ITIH1: variants seen among roughly 807,000 people sequenced by gnomAD.
ITIH1 encodes the protein inter-alpha-trypsin inhibitor heavy chain H1.
A neutral mutation model predicts 104.6 loss-of-function variants in ITIH1; 94 were observed. That is an observed-to-expected ratio of 0.90 (90% CI 0.76 to 1.07). The LOEUF (loss-of-function observed/expected upper bound fraction) is 1.07. Among genes scored for constraint, ITIH1 ranks in the 50% least tolerant of loss-of-function variants. The pLI is 0.00. For missense variants in ITIH1, 1,193 were observed against 1,181.4 expected (o/e 1.01, Z -0.14); for synonymous variants, 455 against 464.4 (o/e 0.98, Z 0.26).
rs921623441 is a variant in ITIH1, at chr3:52,788,365, T to C, written c.2119+20T>C. 6.8e-7 allele frequency: 1 copy of C among 1,477,688 alleles called. No individual in the cohort carries two copies. Among genetic ancestry groups the C allele is most frequent in the Admixed American group, 1.8e-5 (1 of 54,086 alleles). The allele number at this position is 1,477,688 out of a possible 1,614,324, so 91.5% of individuals were successfully genotyped here. On this transcript the variant is annotated intron_variant, in intron 18 of 21. Coordinates refer to ENST00000273283, the MANE Select transcript of ITIH1 (RefSeq NM_002215.4). ...ACACAGGTATGGCGGGCATCACACC[T>C]CTGCCAGACAGGGCCAGGGCTCCTC...
chr3:52,790,154 T>G, intron 19 of ITIH1: 1 of 464,282 alleles, frequency 2.2e-6, no homozygotes, highest in Non-Finnish European at 3.9e-6. Context: ...AGGCCACCTC[T>G]TCCCCTCAGC....
At chr3:52,783,993 A>T (rs1699133461) in intron 10 of ITIH1, among the ~76,000 whole-genome samples, 2 of 152,068 alleles carry the variant, frequency 1.3e-5, no homozygotes, top group Admixed American at 1.3e-4. Flanking sequence ...ATGGGGTAAA[A>T]CAAGCGTGGG....
intron 6 of ITIH1, among the ~76,000 whole-genome samples, chr3:52,781,252 T>G (rs940454710): frequency 2.3e-5 from 3 of 127,808 alleles, no homozygotes; most frequent in Admixed American, 9.0e-5. Flanking sequence ...TTCTTCTTCT[T>G]CTTCTTCTTC....
rs757662339 is a variant in ITIH1, at chr3:52,782,068, G to C, written c.813+3G>C. On this transcript the variant is annotated splice_donor_region_variant and intron_variant, in intron 7 of 21. Transcript: ENST00000273283. ...GAGACAAGATCTGCGACCTCCTGGT[G>C]AGCCCTGAGCTTCTGGCTCAGCACC... 5.0e-6 allele frequency: 8 copies of C among 1,614,188 alleles called. No individual in the cohort carries two copies. Among genetic ancestry groups the C allele is most frequent in the Non-Finnish European group, 6.8e-6 (8 of 1,180,016 alleles).
At chr3:52,780,224 A>T in intron 5 of ITIH1, 45 bp from the exon 6 acceptor site, 3 of 1,466,824 alleles carry the variant, frequency 2.0e-6, no homozygotes, top group Non-Finnish European at 2.8e-6. Context: ...ACAAAGCAAG[A>T]TCCCATCTTT....
At chr3:52,785,293 T>C in intron 12 of ITIH1, 64 bp downstream of exon 12, 1 of 1,515,780 alleles carries the variant, frequency 6.6e-7, no homozygotes, top group Non-Finnish European at 9.1e-7. Flanking sequence ...AAACCCACAC[T>C]GTTCCCCATT....
chr3:52,778,683 C>T, intron 3 of ITIH1, 177 bp downstream of exon 3: 6 of 1,442,294 alleles, frequency 4.2e-6, no homozygotes, highest in Non-Finnish European at 5.4e-6. Context: ...GCTTGGCTCC[C>T]ATCTTGGAGG....
At chr3:52,782,375 T>A in intron 8 of ITIH1, 108 bp downstream of exon 8, 1 of 826,574 alleles carries the variant, frequency 1.2e-6, no homozygotes. Context: ...ATCCTCCTGG[T>A]CAGAGGCAGA....
At chr3:52,781,290 T>TTCTTCTTCTTCC (rs1699051224) in intron 6 of ITIH1, among the ~76,000 whole-genome samples, 1 of 71,774 alleles carries the variant, frequency 1.4e-5, no homozygotes, top group South Asian at 3.5e-4. Flanking sequence ...CTTCTTCCTC[T>TTCTTCTTCTTCC]TCTTCTTCTT....
Position 52,780,289 on chromosome 3 carries a change from G to C in ITIH1, c.594G>C (p.Glu198Asp). The change falls in exon 6 of 22, where the codon GAG (glutamate) becomes GAC (aspartate). Residue 198 changes from glutamate to aspartate, a missense_variant. By Grantham distance (45) the Glu-to-Asp change is conservative. Transcript: ENST00000273283. ...HHFEIDVDIF[E>D]PQGISKLDAQ... is the part of the protein sequence containing the mutation. ...TGCAGATTGATGTGGACATCTTCGA[G>C]CCCCAGGGGATCAGCAAGCTGGATG... 1 of 1,613,702 alleles carries C rather than the reference G, an allele frequency of 6.2e-7. No homozygotes were observed. The highest frequency in any genetic ancestry group is 8.5e-7 in the Non-Finnish European group (1 of 1,179,724).
chr3:52,790,782 G>C lies in ITIH1; in HGVS notation c.2355G>C (p.Leu785=). 6.2e-7 allele frequency: 1 copy of C among 1,613,204 alleles called. No individual in the cohort carries two copies. Among genetic ancestry groups the C allele is most frequent in the South Asian group, 1.1e-5 (1 of 90,868 alleles). ...TGACCATCAACAAGAAGAGGAACCTGGTGGTGTCTGTGGACGACGGTGGCA... is the reference window on the plus strand; with the variant it reads ...TGACCATCAACAAGAAGAGGAACCTCGTGGTGTCTGTGGACGACGGTGGCA... ...VVVTINKKRN[L]VVSVDDGGTF... Residue 785 remains leucine, a synonymous_variant, in exon 20 of 22, where the codon CTG becomes CTC. Coordinates refer to ENST00000273283, the MANE Select transcript of ITIH1 (RefSeq NM_002215.4).
At chr3:52,784,596 C>T (rs1699151815) in intron 11 of ITIH1, 119 bp downstream of exon 11, 16 of 1,022,272 alleles carry the variant, frequency 1.6e-5, no homozygotes, top group Non-Finnish European at 5.6e-6. Context: ...TTCAAATCAG[C>T]TGCATGGGCC....
rs764294094 is a variant in ITIH1 at position 52,779,058 on chromosome 3, GC to G, written c.410+14del. 19 of 1,583,172 alleles carry G rather than the reference GC, an allele frequency of 1.2e-5. No homozygotes were observed. Among genetic ancestry groups the G allele is most frequent in the Admixed American group, 5.0e-5 (3 of 59,982 alleles). On this transcript the variant is annotated intron_variant, in intron 4 of 21. Transcript: ENST00000273283. This position sits in a 1 kb window ranked among gnomAD's most constrained non-coding sequence, Gnocchi z 4.4. Reference sequence around the variant, plus strand: ...GCCGGCCTTGTCAGGTGAGTTCTGGGCCTGCTGGTCTCATCTCTAGGGCTGC... The same window carrying G: ...GCCGGCCTTGTCAGGTGAGTTCTGGGCTGCTGGTCTCATCTCTAGGGCTGC...
chr3:52,786,387 C>T lies in ITIH1; in HGVS notation c.1686C>T (p.Val562=), dbSNP rs142797927. 7.0e-4 allele frequency: 1,107 copies of T among 1,586,050 alleles called. 1 individual carries two copies. The highest frequency in any genetic ancestry group is 8.3e-4 in the Non-Finnish European group (972 of 1,165,918). Residue 562 remains valine (V), a synonymous_variant, in exon 13 of 22, where the codon GTC becomes GTT. Transcript: ENST00000273283. ...RERGHMLENH[V]ERLWAYLTIQ... is the part of the protein sequence containing the mutation. ...GTGGCCACATGCTGGAGAACCACGT[C>T]GAGCGCCTCTGGGCCTACCTCACCA...
chr3:52,786,207 G>A, intron 12 of ITIH1, 88 bp from the exon 13 acceptor site: 1 of 1,366,866 alleles, frequency 7.3e-7, no homozygotes, highest in East Asian at 2.5e-5. Context: ...GCAGATACCA[G>A]ACGAAATGGG....
intron 12 of ITIH1, among the ~76,000 whole-genome samples, chr3:52,785,704 C>T (rs1381211488): frequency 6.6e-6 from 1 of 152,238 alleles, no homozygotes; most frequent in East Asian, 1.9e-4. Flanking sequence ...AGGTTCAGAA[C>T]TCAGGCTTTG....
At chr3:52,785,952 G>A (rs541026934) in intron 12 of ITIH1, among the ~76,000 whole-genome samples, 1 of 152,204 alleles carries the variant, frequency 6.6e-6, no homozygotes, top group African/African-American at 2.4e-5. Context: ...TTTGTGTGCC[G>A]TGGCAAGTTG....
chr3:52,792,061 C>T lies in ITIH1; in HGVS notation c.*150C>T. The T allele has an allele frequency of 1.1e-6, 1 of 890,018 alleles. No homozygotes were observed. Among genetic ancestry groups the T allele is most frequent in the Non-Finnish European group, 1.6e-6 (1 of 606,618 alleles). 55.1% of individuals were successfully genotyped at this position (890,018 alleles called of 1,614,324 possible). On this transcript the variant is annotated 3_prime_UTR_variant, in exon 22 of 22. Transcript: ENST00000273283. ...CCTTCCATTAAAGAGAGGCCGTGTC[C>T]ACCCTGAGCTGGCTGATTTTGGGGA...
chr3:52,788,227 C>T lies in ITIH1; in HGVS notation c.2006-5C>T, dbSNP rs749347956. 52 of 1,602,458 alleles carry T rather than the reference C, an allele frequency of 3.2e-5. 1 individual carries two copies. In the South Asian group the frequency reaches 4.7e-4, roughly 14 times the overall value. ...AATCTAACGAATTCCATGCTGTGCC[C>T]CCAGTGGACACAGACCCTCACTTCA... On this transcript the variant is annotated splice_region_variant and splice_polypyrimidine_tract_variant and intron_variant, in intron 17 of 21. Transcript: ENST00000273283.
Sources: gnomAD v4.1 joint callset for allele counts (sites outside exome capture counted in the v4.1 genomes callset) on GRCh38, gnomAD v4.1.1 for gene constraint, Gnocchi (gnomAD v3.1) non-coding constraint, MANE v1.5 for transcripts, NCBI Gene and HGNC (gene_info 2026-07-23, HGNC 2026-07-21) for gene names.